Variants in TIAM1 observed in about 807,000 individuals in gnomAD.
The protein encoded by TIAM1 is TIAM Rac1 associated GEF 1.
A neutral mutation model predicts 163.5 loss-of-function variants in TIAM1; 65 were observed. That is an observed-to-expected ratio of 0.40 (90% CI 0.33 to 0.49). The LOEUF (loss-of-function observed/expected upper bound fraction) is 0.49. Ranked by LOEUF, TIAM1 falls within the 20% of genes least tolerant of loss-of-function variation. TIAM1 has a pLI of 0.77. For synonymous variants in TIAM1, 833 were observed against 810.1 expected (o/e 1.03, Z -0.48); for missense variants, 1,789 against 2,044.7 (o/e 0.87, Z 2.41).
At chr21:31,410,722 GAGAA>G (rs763907277) in intron 2 of TIAM1, among the ~76,000 whole-genome samples, 44 of 152,012 alleles carry the variant, frequency 2.9e-4, no homozygotes, top group Admixed American at 1.2e-3. Context: ...GAGACACAGA[GAGAA>G]AGAAAGGGAG....
rs185407040 is a variant in TIAM1 at position 31,148,402 on chromosome 21, G to A, written c.3367-1399C>T. Among the ~76,000 whole-genome samples the A allele has an allele frequency of 5.7e-4, 86 of 152,188 alleles. 1 individual carries two copies. The Middle Eastern group carries it at 0.027, about 48-fold the overall frequency. ...CCCTGCACACGCTCTCTTGCCTGCC[G>A]CCATGTAAGATGTGACTTTGCTCCT... On this transcript the variant is annotated intron_variant, in intron 19 of 27. Coordinates refer to ENST00000541036, the MANE Select transcript of TIAM1 (RefSeq NM_001353694.2).
At chr21:31,361,864 G>GATAGATAC (rs1569265377) in intron 2 of TIAM1, among the ~76,000 whole-genome samples, 1 of 150,878 alleles carries the variant, frequency 6.6e-6, no homozygotes, top group South Asian at 2.1e-4. Flanking sequence ...TAGATAGATA[G>GATAGATAC]ATAGATAGAT....
intron 2 of TIAM1, among the ~76,000 whole-genome samples, chr21:31,296,878 T>G (rs981254886): frequency 6.6e-6 from 1 of 152,196 alleles, no homozygotes; most frequent in African/African-American, 2.4e-5. Context: ...TTAGCCAGGA[T>G]GGTCTTGATT....
At chr21:31,335,213 A>G (rs1411718956) in intron 2 of TIAM1, among the ~76,000 whole-genome samples, 1 of 152,156 alleles carries the variant, frequency 6.6e-6, no homozygotes, top group East Asian at 1.9e-4. Context: ...TGTTCAAAGA[A>G]CCAGCCTGAT....
At chr21:31,152,332 C>T (rs1262888061) in intron 19 of TIAM1, among the ~76,000 whole-genome samples, 1 of 152,188 alleles carries the variant, frequency 6.6e-6, no homozygotes, top group Non-Finnish European at 1.5e-5. Flanking sequence ...CATGCCCAGC[C>T]AGGAGTGCCT....
chr21:31,366,521 C>T (rs1348637586), intron 2 of TIAM1, among the ~76,000 whole-genome samples: 2 of 152,190 alleles, frequency 1.3e-5, no homozygotes, highest in African/African-American at 4.8e-5. Flanking sequence ...AGCTCAATGT[C>T]ATCTTCATGG....
At position 31,494,265 on chromosome 21, in the gene TIAM1, CACTA is replaced by C. The variant is rs1018829005; in HGVS notation, c.-421-30234_-421-30231del. 1.4e-4 allele frequency among the ~76,000 whole-genome samples: 22 copies of C among 152,214 alleles called. 2 individuals are homozygous for C. The highest frequency in any genetic ancestry group is 4.8e-4 in the African/African-American group (20 of 41,544). Reference sequence around the variant, plus strand: ...CTACAGGCTCTGAACACACATAAGGCACTAACTAATGATGCCAGCTCCTCTTGCC... The same window carrying C: ...CTACAGGCTCTGAACACACATAAGGCACTAATGATGCCAGCTCCTCTTGCC... On this transcript the variant is annotated intron_variant, in intron 1 of 28. Transcript: ENST00000286827.
intron 1 of TIAM1, among the ~76,000 whole-genome samples, chr21:31,340,751 G>A (rs2075989925): frequency 6.6e-6 from 1 of 151,700 alleles, no homozygotes; most frequent in Admixed American, 6.6e-5. Context: ...TCGCTGCCAA[G>A]TTTCGGGCTT....
At chr21:31,341,773 T>C (rs143822131) in intron 1 of TIAM1, among the ~76,000 whole-genome samples, 2,110 of 152,338 alleles carry the variant, frequency 0.014, 20 homozygotes, top group South Asian at 0.031. Context: ...ACTCAGTTGC[T>C]AATTTTCAAA....
At chr21:31,234,965 A>T (rs1401739007) in intron 6 of TIAM1, among the ~76,000 whole-genome samples, 1 of 152,218 alleles carries the variant, frequency 6.6e-6, no homozygotes, top group Non-Finnish European at 1.5e-5. Flanking sequence ...TCCAAGCCAA[A>T]ATTCCAAATT....
chr21:31,533,283 T>C (rs1050380067), intron 1 of TIAM1, among the ~76,000 whole-genome samples: 16 of 152,230 alleles, frequency 1.1e-4, no homozygotes, highest in Admixed American at 9.8e-4. Context: ...ATAGTACCAC[T>C]GCACTCCAGC....
Position 31,442,070 on chromosome 21 carries a change from A to AATAAATATATATATAT in TIAM1, c.-369+21912_-369+21913insATATATATATATTTAT, listed in dbSNP as rs370046459. Among the ~76,000 whole-genome samples the AATAAATATATATATAT allele has an allele frequency of 4.3e-4, 23 of 53,216 alleles. 1 individual carries two copies. The highest frequency in any genetic ancestry group is 9.4e-3 in the Middle Eastern group (1 of 106). 34.9% of individuals were successfully genotyped at this position (53,216 alleles called of 152,430 possible). ...GACCCTATCTCAGAACAAATAAATA[A>AATAAATATATATATAT]ATATATATATATATATAGAACAATA... On this transcript the variant is annotated intron_variant, in intron 2 of 28. Transcript: ENST00000286827.
chr21:31,223,362 C>T (rs569005921), intron 8 of TIAM1, 44 bp downstream of exon 8: 11 of 1,557,710 alleles, frequency 7.1e-6, no homozygotes, highest in Admixed American at 5.6e-5. Context: ...CAGGATTAAG[C>T]GTCAAGCTTA....
At chr21:31,530,014 G>A (rs1212316084) in intron 1 of TIAM1, among the ~76,000 whole-genome samples, 1 of 152,146 alleles carries the variant, frequency 6.6e-6, no homozygotes, top group Non-Finnish European at 1.5e-5. Context: ...CTACTAACAC[G>A]TTGGAAGGCA....
intron 16 of TIAM1, among the ~76,000 whole-genome samples, chr21:31,160,158 CA>C (rs947639879): frequency 6.6e-6 from 1 of 151,914 alleles, no homozygotes; most frequent in Non-Finnish European, 1.5e-5. Context: ...ATTAATTAAA[CA>C]AAAAAATGCA....
At chr21:31,501,593 T>C (rs2046851023) in intron 1 of TIAM1, among the ~76,000 whole-genome samples, 1 of 151,792 alleles carries the variant, frequency 6.6e-6, no homozygotes, top group African/African-American at 2.4e-5. Context: ...GGTTTTTGTT[T>C]GTTTGTTTGT....
At chr21:31,230,652 G>A (rs765372573) in intron 6 of TIAM1, among the ~76,000 whole-genome samples, 1 of 152,102 alleles carries the variant, frequency 6.6e-6, no homozygotes, top group Non-Finnish European at 1.5e-5. Context: ...AGCCTCCCTA[G>A]TCCCTAGCTG....
chr21:31,392,365 G>A (rs545022059), intron 2 of TIAM1, among the ~76,000 whole-genome samples: 28 of 152,112 alleles, frequency 1.8e-4, no homozygotes, highest in Non-Finnish European at 4.1e-4. Context: ...GAGGTCAGGA[G>A]TTCAAGACCA....
At chr21:31,144,274 G>C (rs997639074) in intron 20 of TIAM1, among the ~76,000 whole-genome samples, 2 of 152,292 alleles carry the variant, frequency 1.3e-5, no homozygotes, top group Non-Finnish European at 2.9e-5. Flanking sequence ...GATTTTGTGG[G>C]GCATCCCAAG....
Sources: allele counts gnomAD v4.1 joint callset (sites outside exome capture counted in the v4.1 genomes callset), GRCh38; gene constraint gnomAD v4.1.1; transcripts MANE v1.5; gene names NCBI Gene and HGNC (gene_info 2026-07-23, HGNC 2026-07-21).